The following PEX7 variants were observed in gnomAD, a reference collection of about 807,000 sequenced individuals.
PEX7 encodes the protein PTS2 receptor.
Under a neutral mutation model 47.5 loss-of-function variants are expected in PEX7, and 34 were observed. That is an observed-to-expected ratio of 0.72 (90% CI 0.54 to 0.95). The LOEUF (loss-of-function observed/expected upper bound fraction) is 0.95, where lower values mean the gene tolerates loss of function less well. PEX7 is among the 40% of genes least tolerant of loss of function. The pLI is 0.00. For missense variants in PEX7, 394 were observed against 400.3 expected (o/e 0.98, Z 0.13); for synonymous variants, 141 against 148.8 (o/e 0.95, Z 0.38).
At chr6:136,903,179 T>C (rs1775782481) in intron 9 of PEX7, among the ~76,000 whole-genome samples, 1 of 152,192 alleles carries the variant, frequency 6.6e-6, no homozygotes, top group Non-Finnish European at 1.5e-5. Context: ...ACTACCCCTG[T>C]ATAACCACTA....
chr6:136,890,709 C>G (rs1283944857), intron 8 of PEX7, among the ~76,000 whole-genome samples: 1 of 152,180 alleles, frequency 6.6e-6, no homozygotes, highest in African/African-American at 2.4e-5. Flanking sequence ...GAGATGAGGA[C>G]ATTAAGTATT....
intron 3 of PEX7, among the ~76,000 whole-genome samples, chr6:136,827,500 GA>G (rs1774215654): frequency 1.6e-5 from 2 of 128,782 alleles, no homozygotes; most frequent in Admixed American, 9.3e-5. Context: ...GAACCTGTGT[GA>G]ATTTGTGTGT....
chr6:136,827,755 C>A (rs1040786291), intron 3 of PEX7, among the ~76,000 whole-genome samples: 1 of 151,884 alleles, frequency 6.6e-6, no homozygotes, highest in African/African-American at 2.4e-5. Context: ...TGGTCTTGAA[C>A]TCCTGGGCTC....
chr6:136,857,316 A>T (rs1321474), intron 5 of PEX7, among the ~76,000 whole-genome samples: 107,821 of 152,142 alleles, frequency 0.71, 39,730 homozygotes, highest in African/African-American at 0.93. Context: ...TATTTTTGAT[A>T]GTTATTATAT....
chr6:136,878,748 ACT>A (rs1208455659), intron 8 of PEX7, among the ~76,000 whole-genome samples: 1 of 151,686 alleles, frequency 6.6e-6, no homozygotes, highest in Non-Finnish European at 1.5e-5. Context: ...TGTAAGTTTA[ACT>A]CTTTCATATT....
chr6:136,880,731 C>T (rs986869165), intron 8 of PEX7, among the ~76,000 whole-genome samples: 11 of 152,098 alleles, frequency 7.2e-5, no homozygotes, highest in Non-Finnish European at 1.0e-4. Flanking sequence ...CTTCTGAGTC[C>T]GTATTAGATA....
chr6:136,891,054 CCG>C (rs1210638029), intron 8 of PEX7, among the ~76,000 whole-genome samples: 1 of 152,168 alleles, frequency 6.6e-6, no homozygotes, highest in Non-Finnish European at 1.5e-5. Flanking sequence ...AATACACAAA[CCG>C]CATAGGAGTT....
At chr6:136,872,642 A>G (rs1744579971) in intron 8 of PEX7, among the ~76,000 whole-genome samples, 1 of 151,020 alleles carries the variant, frequency 6.6e-6, no homozygotes, top group South Asian at 2.1e-4. Context: ...TGAAAAAACA[A>G]TGAACATGAG....
At chr6:136,891,611 G>T (rs969309550) in intron 8 of PEX7, among the ~76,000 whole-genome samples, 2 of 150,766 alleles carry the variant, frequency 1.3e-5, no homozygotes, top group African/African-American at 4.9e-5. Flanking sequence ...ATATTTTTGA[G>T]TGAATGAATA....
At chr6:136,850,981 T>A (rs1308675219) in intron 5 of PEX7, among the ~76,000 whole-genome samples, 20 of 113,148 alleles carry the variant, frequency 1.8e-4, no homozygotes, top group African/African-American at 8.1e-4. Context: ...TTTTTTTTTA[T>A]TTTTTTTTTA....
At position 136,903,336 on chromosome 6, in the gene PEX7, CT is replaced by C. The variant is rs552573661; in HGVS notation, c.903+5114del. ...GGTAAACAATCTTTTCTTTCTTTCT[CT>C]TTTTTTTTTTTTTTTTTTCATAGAG... On this transcript the variant is annotated intron_variant, in intron 9 of 9. Transcript: ENST00000318471. 3.9e-3 allele frequency among the ~76,000 whole-genome samples: 493 copies of C among 126,298 alleles called. 4 individuals are homozygous for C. The highest frequency in any genetic ancestry group is 7.1e-3 in the African/African-American group (244 of 34,358). 82.9% of individuals were successfully genotyped at this position (126,298 alleles called of 152,430 possible). A position where few individuals can be genotyped will look rare whatever the true frequency, so the allele number is the denominator to read the frequency against.
Position 136,884,385 on chromosome 6 carries a change from CCAA to C in PEX7, c.803+12135_803+12137del, listed in dbSNP as rs200838266. Among the ~76,000 whole-genome samples the C allele has an allele frequency of 2.4e-4, 36 of 152,256 alleles. No individual in the cohort carries two copies. In the East Asian group the frequency reaches 6.9e-3, roughly 29 times the overall value. Reference sequence around the variant, plus strand: ...GAAGAAAAAGATTTCAGATATAAGACCAACAGTAACCTGTTTAATTTTTAGGAC... The same window carrying C: ...GAAGAAAAAGATTTCAGATATAAGACCAGTAACCTGTTTAATTTTTAGGAC... On this transcript the variant is annotated intron_variant, in intron 8 of 9. Transcript: ENST00000318471.
At chr6:136,859,565 A>G (rs1048961560) in intron 5 of PEX7, among the ~76,000 whole-genome samples, 3 of 152,086 alleles carry the variant, frequency 2.0e-5, no homozygotes, top group African/African-American at 7.2e-5. Context: ...ATTTCGGTTA[A>G]GTTATATTGG....
chr6:136,830,002 A>G (rs1378520394), intron 3 of PEX7: 1 of 702,840 alleles, frequency 1.4e-6, no homozygotes, highest in Admixed American at 2.1e-5. Flanking sequence ...TTTTTTTTCC[A>G]CCAGTATGTT....
At chr6:136,898,718 TGC>T (rs1338303497) in intron 9 of PEX7, among the ~76,000 whole-genome samples, 3 of 152,192 alleles carry the variant, frequency 2.0e-5, no homozygotes, top group Non-Finnish European at 1.5e-5. Flanking sequence ...ATAGAATGTC[TGC>T]TATTTAAGTT....
chr6:136,905,606 A>G (rs1475780021), intron 9 of PEX7, among the ~76,000 whole-genome samples: 1 of 152,084 alleles, frequency 6.6e-6, no homozygotes, highest in Non-Finnish European at 1.5e-5. Context: ...CTATTTTTTC[A>G]ATGCTACCAT....
intron 9 of PEX7, among the ~76,000 whole-genome samples, chr6:136,910,182 G>A (rs1281563743): frequency 6.6e-6 from 1 of 152,138 alleles, no homozygotes; most frequent in Non-Finnish European, 1.5e-5. Flanking sequence ...CTCTGAAATT[G>A]TAATCTATGA....
intron 8 of PEX7, among the ~76,000 whole-genome samples, chr6:136,876,236 A>G (rs1582764227): frequency 6.6e-6 from 1 of 151,748 alleles, no homozygotes; most frequent in Non-Finnish European, 1.5e-5. Context: ...ATGGGGTTTC[A>G]CCGTGTTAGC....
intron 6 of PEX7, among the ~76,000 whole-genome samples, chr6:136,868,108 A>C (rs898102643): frequency 1.3e-5 from 2 of 152,224 alleles, no homozygotes; most frequent in African/African-American, 4.8e-5. Context: ...TATTCAGTAC[A>C]GTAACATGCT....
Sources: gnomAD v4.1 joint callset for allele counts (sites outside exome capture counted in the v4.1 genomes callset) on GRCh38, gnomAD v4.1.1 for gene constraint, MANE v1.5 for transcripts, NCBI Gene and HGNC (gene_info 2026-07-23, HGNC 2026-07-21) for gene names.